Variants in ROR1 observed in about 807,000 individuals in gnomAD.
ROR1 encodes ROR family WNT receptor 1, also known as inactive tyrosine-protein kinase transmembrane receptor ROR1.
Under a neutral mutation model 78.8 loss-of-function variants are expected in ROR1, and 19 were observed. The ratio of observed to expected loss-of-function variants is 0.24; its 90% confidence interval spans 0.17 to 0.35. The LOEUF is 0.35. ROR1 is among the 10% of genes least tolerant of loss of function. ROR1 has a pLI of 1.00. For synonymous variants in ROR1, 386 were observed against 433.6 expected, an observed-to-expected ratio of 0.89 and a Z score of 1.36; for missense variants, 917 against 1,177.8, an observed-to-expected ratio of 0.78 and a Z score of 3.24.
At chr1:64,161,558 G>T (rs1649945375) in intron 8 of ROR1, among the ~76,000 whole-genome samples, 1 of 149,876 alleles carries the variant, frequency 6.7e-6, no homozygotes, top group Admixed American at 6.8e-5. Flanking sequence ...AGCAATAATA[G>T]TTCCCCATCC....
intron 4 of ROR1, among the ~76,000 whole-genome samples, chr1:64,076,052 C>T (rs1647048047): frequency 6.6e-6 from 1 of 152,174 alleles, no homozygotes; most frequent in Admixed American, 6.5e-5. Context: ...CTCAGTTCTC[C>T]TACCCTTCTT....
intron 4 of ROR1, among the ~76,000 whole-genome samples, chr1:64,121,572 T>G (rs1648544520): frequency 6.6e-6 from 1 of 151,410 alleles, no homozygotes; most frequent in Admixed American, 6.6e-5. Flanking sequence ...AGTGGGAATA[T>G]GCACCCTGGC....
At chr1:63,969,936 C>T (rs946193303) in intron 1 of ROR1, among the ~76,000 whole-genome samples, 2 of 152,072 alleles carry the variant, frequency 1.3e-5, no homozygotes, top group African/African-American at 4.8e-5. Context: ...GTCTAATTAC[C>T]TGCCCTCTTT....
At chr1:63,848,716 G>T (rs182830023) in intron 1 of ROR1, among the ~76,000 whole-genome samples, 7 of 152,106 alleles carry the variant, frequency 4.6e-5, no homozygotes, top group Admixed American at 2.0e-4. Flanking sequence ...AATCAATAAT[G>T]GCAAAAACGT....
chr1:64,132,651 T>C (rs1220195760), intron 4 of ROR1, among the ~76,000 whole-genome samples: 2 of 149,484 alleles, frequency 1.3e-5, no homozygotes, highest in African/African-American at 4.9e-5. Flanking sequence ...TCCCAGCTAC[T>C]CAGGAGGCTG....
intron 4 of ROR1, among the ~76,000 whole-genome samples, chr1:64,062,961 T>G (rs538601700): frequency 6.6e-6 from 1 of 152,178 alleles, no homozygotes; most frequent in African/African-American, 2.4e-5. Flanking sequence ...AAATGAATTT[T>G]GAAAAGACAG....
At chr1:63,920,798 C>G (rs1412761000) in intron 1 of ROR1, among the ~76,000 whole-genome samples, 4 of 152,144 alleles carry the variant, frequency 2.6e-5, no homozygotes, top group African/African-American at 9.7e-5. Flanking sequence ...TTCCTTTAAC[C>G]AAGTGGCATT....
intron 1 of ROR1, among the ~76,000 whole-genome samples, chr1:63,799,145 A>G (rs1354948976): frequency 6.6e-6 from 1 of 152,150 alleles, no homozygotes; most frequent in African/African-American, 2.4e-5. Context: ...CTGCTAGGAA[A>G]ACTAGAGATA....
chr1:64,075,728 T>G (rs1260771), intron 4 of ROR1, among the ~76,000 whole-genome samples: 1 of 151,920 alleles, frequency 6.6e-6, no homozygotes, highest in Non-Finnish European at 1.5e-5. Flanking sequence ...ATCAACTTGC[T>G]CTTGCTTCAT....
At chr1:64,050,074 TAGTG>T in intron 3 of ROR1, 96 bp downstream of exon 3, 2 of 1,347,714 alleles carry the variant, frequency 1.5e-6, no homozygotes, top group African/African-American at 2.9e-5. Context: ...AATGCACACT[TAGTG>T]AGAATGTACT....
intron 1 of ROR1, among the ~76,000 whole-genome samples, chr1:63,944,929 C>T (rs964245105): frequency 1.3e-5 from 2 of 152,142 alleles, no homozygotes; most frequent in Admixed American, 6.5e-5. Context: ...GTCTCTCAAC[C>T]TCTCTTGCAT....
At chr1:63,780,608 A>C (rs1317221017) in intron 1 of ROR1, among the ~76,000 whole-genome samples, 1 of 152,210 alleles carries the variant, frequency 6.6e-6, no homozygotes, top group Non-Finnish European at 1.5e-5. Flanking sequence ...GGTAGCAACC[A>C]AGGCTCAGAG....
intron 1 of ROR1, among the ~76,000 whole-genome samples, chr1:63,857,729 A>G (rs1645157610): frequency 6.6e-6 from 1 of 152,176 alleles, no homozygotes; most frequent in East Asian, 1.9e-4. Flanking sequence ...AGTTCATACT[A>G]TATTTGGATC....
At chr1:64,006,943 G>A (rs1478659800) in intron 1 of ROR1, among the ~76,000 whole-genome samples, 2 of 152,084 alleles carry the variant, frequency 1.3e-5, no homozygotes, top group African/African-American at 4.8e-5. Flanking sequence ...ATGACATGTG[G>A]CCATTTGGCA....
At chr1:64,068,662 C>T (rs769809687) in intron 4 of ROR1, among the ~76,000 whole-genome samples, 3 of 152,116 alleles carry the variant, frequency 2.0e-5, no homozygotes, top group Non-Finnish European at 4.4e-5. Context: ...AATAAGGGAA[C>T]CATCAGTATT....
rs916560320 is a variant in ROR1 at position 63,842,565 on chromosome 1, A to T, written c.91+68057A>T. Among the ~76,000 whole-genome samples, 7 of 152,292 alleles carry T rather than the reference A, an allele frequency of 4.6e-5. No homozygotes were observed. In the East Asian group the frequency reaches 5.8e-4, roughly 13 times the overall value. ...GCTCTCCACATAAACATCTTTGAAA[A>T]GTTAGTCTGGAACCAAGGGCAGCCA... On this transcript the variant is annotated intron_variant, in intron 1 of 8. Coordinates refer to ENST00000371079, the MANE Select transcript of ROR1 (RefSeq NM_005012.4).
In ROR1 at chr1:64,050,314, G is replaced by A. The variant is rs113690506; in HGVS notation, c.451+336G>A. Among the ~76,000 whole-genome samples the A allele has an allele frequency of 3.9e-3, 589 of 152,244 alleles. 7 individuals carry two copies. The highest frequency in any genetic ancestry group is 0.013 in the African/African-American group (560 of 41,564). On this transcript the variant is annotated intron_variant, in intron 3 of 8. Transcript: ENST00000371079. ...AGTTGGAAATGTTCGCAGCGTGCAT[G>A]GCCCTTTTCCTGCCATCAAGGACTA...
intron 1 of ROR1, among the ~76,000 whole-genome samples, chr1:63,804,735 G>C (rs2100260207): frequency 6.6e-6 from 1 of 152,288 alleles, no homozygotes; most frequent in South Asian, 2.1e-4. Context: ...TTGGGGCTGG[G>C]CTTATCTCAG....
At chr1:64,164,089 A>G (rs1051878843) in intron 8 of ROR1, among the ~76,000 whole-genome samples, 1 of 151,460 alleles carries the variant, frequency 6.6e-6, no homozygotes, top group Non-Finnish European at 1.5e-5. Context: ...CACTTCCTTC[A>G]CTAGTTCTTT....
Sources: allele counts gnomAD v4.1 joint callset (sites outside exome capture counted in the v4.1 genomes callset), GRCh38; gene constraint gnomAD v4.1.1; transcripts MANE v1.5; gene names NCBI Gene and HGNC (gene_info 2026-07-23, HGNC 2026-07-21).